Variants in TMEM178B observed in about 807,000 individuals in gnomAD.
The protein encoded by TMEM178B is transmembrane protein 178B.
Under a neutral mutation model 31.0 loss-of-function variants are expected in TMEM178B, and 5 were observed. The ratio of observed to expected loss-of-function variants is 0.16; its 90% CI spans 0.08 to 0.34. The LOEUF is 0.34. TMEM178B is among the 10% of genes least tolerant of loss of function. TMEM178B has a pLI of 1.00. For synonymous variants in TMEM178B, 164 were observed against 164.0 expected, an observed-to-expected ratio of 1.00 and a Z score of 0.00; for missense variants, 275 against 400.3, an observed-to-expected ratio of 0.69 and a Z score of 2.67.
chr7:141,237,473 GA>G (rs918813288), intron 2 of TMEM178B, among the ~76,000 whole-genome samples: 10 of 151,898 alleles, frequency 6.6e-5, no homozygotes, highest in East Asian at 1.9e-4. Flanking sequence ...AATACAAATT[GA>G]AAAAAAGAAT....
intron 1 of TMEM178B, among the ~76,000 whole-genome samples, chr7:141,142,659 A>G (rs947242921): frequency 2.6e-5 from 4 of 152,092 alleles, no homozygotes; most frequent in African/African-American, 9.7e-5. Flanking sequence ...CACCCGCCTC[A>G]GCCTCCCAAA....
At chr7:141,152,594 T>G (rs1391111166) in intron 1 of TMEM178B, among the ~76,000 whole-genome samples, 1 of 152,220 alleles carries the variant, frequency 6.6e-6, no homozygotes, top group African/African-American at 2.4e-5. Context: ...TAAAGTTTTT[T>G]TCTGAGATAG....
intron 2 of TMEM178B, among the ~76,000 whole-genome samples, chr7:141,317,470 T>C (rs1257564503): frequency 2.6e-5 from 4 of 152,220 alleles, no homozygotes; most frequent in African/African-American, 4.8e-5. Context: ...GCTGAGGCTA[T>C]GTCTTTAATT....
At position 141,074,429 on chromosome 7, in the gene TMEM178B, G is replaced by C; in HGVS notation, c.119G>C (p.Arg40Thr). 1 of 1,536,146 alleles carries C rather than the reference G, an allele frequency of 6.5e-7. No individual in the cohort carries two copies. Among genetic ancestry groups the C allele is most frequent in the African/African-American group, 1.4e-5 (1 of 73,182 alleles). ...HWYETDARKH[R>T]DRCKAFNTRR... Reference sequence around the variant, plus strand: ...TACGAGACGGACGCCAGGAAGCACAGGGACAGGTGCAAGGCCTTCAACACC... The same window carrying C: ...TACGAGACGGACGCCAGGAAGCACACGGACAGGTGCAAGGCCTTCAACACC... Residue 40 changes from arginine to threonine, a missense_variant, in exon 1 of 4, where the codon AGG (arginine) becomes ACG (threonine). Arg to Thr is a moderately conservative substitution (Grantham distance 71). Coordinates refer to ENST00000565468, the MANE Select transcript of TMEM178B (RefSeq NM_001195278.2). The surrounding 1 kb of genome is among the most constrained non-coding windows in gnomAD (Gnocchi z 5.1).
intron 2 of TMEM178B, among the ~76,000 whole-genome samples, chr7:141,235,542 A>G (rs1797514498): frequency 6.6e-6 from 1 of 152,242 alleles, no homozygotes; most frequent in Non-Finnish European, 1.5e-5. Flanking sequence ...ATCTAACTTT[A>G]TCATTTTAGT....
At chr7:141,108,399 A>G (rs1284540162) in intron 1 of TMEM178B, among the ~76,000 whole-genome samples, 9 of 152,222 alleles carry the variant, frequency 5.9e-5, no homozygotes, top group Non-Finnish European at 8.8e-5. Flanking sequence ...GCAAGTTTGC[A>G]TCCAGAAGGT....
intron 1 of TMEM178B, among the ~76,000 whole-genome samples, chr7:141,119,438 G>T (rs1017228021): frequency 2.6e-5 from 4 of 152,102 alleles, no homozygotes; most frequent in Admixed American, 6.6e-5. Context: ...CACTGATGTG[G>T]GCTACTGCCC....
intron 1 of TMEM178B, among the ~76,000 whole-genome samples, chr7:141,181,854 T>C (rs1367686527): frequency 1.3e-5 from 2 of 152,232 alleles, no homozygotes; most frequent in African/African-American, 4.8e-5. Flanking sequence ...TTTAGAATTA[T>C]GGTGCTACTG....
the TMEM178B span, among the ~76,000 whole-genome samples, chr7:141,506,933 C>T: frequency 6.6e-6 from 1 of 152,144 alleles, no homozygotes; most frequent in South Asian, 2.1e-4. Context: ...AGGGCCCATG[C>T]AAGTCTGAAA....
At position 141,470,789 on chromosome 7, in the gene TMEM178B, A is replaced by G; in HGVS notation, c.*3A>G. 2.7e-6 allele frequency: 4 copies of G among 1,477,420 alleles called. No individual in the cohort carries two copies. The highest frequency in any genetic ancestry group is 3.6e-6 in the Non-Finnish European group (4 of 1,118,738). The allele number at this position is 1,477,420 out of a possible 1,614,324, so 91.5% of individuals were successfully genotyped here. Reference sequence around the variant, plus strand: ...CCGAGAATGGGACAGTGTGCTAAAAAACAAACCCATACATACATATATATA... The same window carrying G: ...CCGAGAATGGGACAGTGTGCTAAAAGACAAACCCATACATACATATATATA... On this transcript the variant is annotated 3_prime_UTR_variant, in exon 4 of 4. Transcript: ENST00000565468.
At chr7:141,219,215 C>T (rs1797214570) in intron 2 of TMEM178B, among the ~76,000 whole-genome samples, 1 of 152,156 alleles carries the variant, frequency 6.6e-6, no homozygotes, top group South Asian at 2.1e-4. Flanking sequence ...CATCTCAGAC[C>T]TCAGAGGAAT....
intron 2 of TMEM178B, among the ~76,000 whole-genome samples, chr7:141,274,394 T>C (rs556825736): frequency 1.1e-4 from 17 of 152,322 alleles, no homozygotes; most frequent in Admixed American, 5.9e-4. Context: ...ATTAGCAGCA[T>C]ATTCGTCTAT....
chr7:141,185,508 TG>T (rs1239117625), intron 1 of TMEM178B, among the ~76,000 whole-genome samples: 2 of 152,168 alleles, frequency 1.3e-5, no homozygotes, highest in African/African-American at 2.4e-5. Context: ...GGGTGCCTGT[TG>T]GTGTGCTCCC....
intron 2 of TMEM178B, among the ~76,000 whole-genome samples, chr7:141,259,556 C>T (rs992590669): frequency 9.2e-5 from 14 of 152,148 alleles, no homozygotes; most frequent in Non-Finnish European, 4.4e-5. Flanking sequence ...ATTGTAAGAA[C>T]TCTAGGCTCT....
chr7:141,491,551 G>A, the TMEM178B span, among the ~76,000 whole-genome samples: 2 of 152,170 alleles, frequency 1.3e-5, no homozygotes, highest in African/African-American at 4.8e-5. Flanking sequence ...AAATTGGGCA[G>A]TTTGAAGTTT....
At chr7:141,394,894 A>G (rs1317988197) in intron 2 of TMEM178B, among the ~76,000 whole-genome samples, 1 of 152,178 alleles carries the variant, frequency 6.6e-6, no homozygotes, top group African/African-American at 2.4e-5. Flanking sequence ...CTTCCAGCAT[A>G]CAAGCCTGCT....
chr7:141,235,288 T>A (rs1797510827), intron 2 of TMEM178B, among the ~76,000 whole-genome samples: 1 of 152,204 alleles, frequency 6.6e-6, no homozygotes, highest in Non-Finnish European at 1.5e-5. Context: ...GAAGACTTGC[T>A]TGAAGAATCA....
chr7:141,226,765 T>C (rs756571266), intron 2 of TMEM178B, among the ~76,000 whole-genome samples: 21 of 147,582 alleles, frequency 1.4e-4, no homozygotes, highest in Non-Finnish European at 2.5e-4. Flanking sequence ...GGCTAAGGCA[T>C]GAGAATTGCT....
chr7:141,254,154 C>T (rs536028826), intron 2 of TMEM178B, among the ~76,000 whole-genome samples: 38 of 152,330 alleles, frequency 2.5e-4, no homozygotes, highest in African/African-American at 7.2e-4. Flanking sequence ...TGCTTTGTTT[C>T]CTAAGTGAGA....
Sources: allele counts gnomAD v4.1 joint callset (sites outside exome capture counted in the v4.1 genomes callset), GRCh38; gene constraint gnomAD v4.1.1; non-coding constraint Gnocchi (gnomAD v3.1); transcripts MANE v1.5; gene names NCBI Gene and HGNC (gene_info 2026-07-23, HGNC 2026-07-21).